SLC44A1: variants seen among roughly 807,000 people sequenced by gnomAD.
SLC44A1 encodes the protein solute carrier family 44 member 1.
SLC44A1 carries 26 observed loss-of-function variants against 79.3 expected under a neutral mutation model. That is an observed-to-expected ratio of 0.33 (90% CI 0.24 to 0.46). The LOEUF is 0.46. Ranked by LOEUF, SLC44A1 falls within the 20% of genes least tolerant of loss-of-function variation. The pLI, the probability that SLC44A1 is intolerant of heterozygous loss-of-function variation, is 1.00. For missense variants in SLC44A1, 688 were observed against 798.1 expected (o/e 0.86, Z 1.66); for synonymous variants, 263 against 286.2 (o/e 0.92, Z 0.82).
At chr9:105,402,741 T>C (rs1475365245) in intron 15 of SLC44A1, among the ~76,000 whole-genome samples, 1 of 152,192 alleles carries the variant, frequency 6.6e-6, no homozygotes, top group Non-Finnish European at 1.5e-5. Context: ...ACCATTGGTG[T>C]GCTTCTATGC....
chr9:105,308,788 G>A (rs917968116), intron 2 of SLC44A1, among the ~76,000 whole-genome samples: 3 of 152,108 alleles, frequency 2.0e-5, no homozygotes, highest in Admixed American at 6.6e-5. Flanking sequence ...ACCTTTTAAC[G>A]ATCAGATTGC....
rs761371766 is a variant in SLC44A1, at chr9:105,374,599, A to G, written c.1496A>G (p.Asn499Ser). Residue 499 changes from asparagine to serine, a missense_variant and splice_region_variant, in exon 13 of 16, where the codon AAT (asparagine) becomes AGT (serine). Asn to Ser is a conservative substitution (Grantham distance 46). Coordinates refer to ENST00000374720, the MANE Select transcript of SLC44A1 (RefSeq NM_080546.5). ...LEKCLNYLNQ[N>S]AYTATAINST... is the part of the protein sequence containing the mutation. ...AATGTTGTTTTTGCTTTTGTCCAGA[A>G]TGCATACACAGCCACAGCTATCAAC... 4 of 1,609,922 alleles carry G rather than the reference A, an allele frequency of 2.5e-6. No homozygotes were observed. Among genetic ancestry groups the G allele is most frequent in the Admixed American group, 3.4e-5 (2 of 58,962 alleles).
At chr9:105,258,390 GT>G (rs1829760228) in intron 1 of SLC44A1, among the ~76,000 whole-genome samples, 1 of 152,200 alleles carries the variant, frequency 6.6e-6, no homozygotes, top group Admixed American at 6.5e-5. Context: ...TTACTGTGTG[GT>G]AGCCTCTGGG....
At chr9:105,385,910 C>A (rs1007320523) in intron 15 of SLC44A1, 1 of 984,994 alleles carries the variant, frequency 1.0e-6, no homozygotes, top group Non-Finnish European at 1.2e-6. Flanking sequence ...CAATTCCTTT[C>A]AACTTGCTAA....
intron 1 of SLC44A1, among the ~76,000 whole-genome samples, chr9:105,273,816 G>T (rs1037115): frequency 0.081 from 12,248 of 151,766 alleles, 1,615 homozygotes; most frequent in African/African-American, 0.28. Flanking sequence ...ATGTGTCTGA[G>T]TTTTTTTTCT....
At chr9:105,417,631 C>T (rs970175929) in intron 15 of SLC44A1, among the ~76,000 whole-genome samples, 1 of 152,082 alleles carries the variant, frequency 6.6e-6, no homozygotes, top group Non-Finnish European at 1.5e-5. Flanking sequence ...CAGTGCCCAA[C>T]ACACAGCAGA....
rs139182720 is a variant in SLC44A1 at position 105,383,015 on chromosome 9, A to T, written c.1633-108A>T. On this transcript the variant is annotated intron_variant, in intron 13 of 15. Coordinates refer to ENST00000374720, the MANE Select transcript of SLC44A1 (RefSeq NM_080546.5). ...TCCTCATTTGAGATGGAATGGCCTC[A>T]TGCAACCATCATTTATAAATAGTAG... 1.0e-3 allele frequency: 745 copies of T among 746,250 alleles called. 5 individuals carry two copies. In the African/African-American group the frequency reaches 0.012, roughly 12 times the overall value. The allele number at this position is 746,250 out of a possible 1,614,324, so 46.2% of individuals were successfully genotyped here. A position where few individuals can be genotyped will look rare whatever the true frequency, so the allele number is the denominator to read the frequency against.
rs145139250 is a variant in SLC44A1, at chr9:105,359,495, A to G, written c.760+1062A>G. On this transcript the variant is annotated intron_variant, in intron 7 of 15. Transcript: ENST00000374720. ...GAATTAGACAAAACTTTAAAACTCT[A>G]GATATGAATAGTGTTATAATGATTA... Among the ~76,000 whole-genome samples, 179 of 152,334 alleles carry G rather than the reference A, an allele frequency of 1.2e-3. 1 individual carries two copies. Among genetic ancestry groups the G allele is most frequent in the Middle Eastern group, 0.01 (3 of 294 alleles).
At chr9:105,365,414 A>G in intron 10 of SLC44A1, 69 bp from the exon 11 acceptor site, 5 of 1,305,772 alleles carry the variant, frequency 3.8e-6, no homozygotes, top group Non-Finnish European at 5.4e-6. Context: ...TTGGACTCTA[A>G]ACCATACCTG....
chr9:105,380,362 T>C (rs1312314008), intron 13 of SLC44A1, among the ~76,000 whole-genome samples: 1 of 152,140 alleles, frequency 6.6e-6, no homozygotes, highest in Non-Finnish European at 1.5e-5. Flanking sequence ...TTTTTTCTTT[T>C]TTTTGAGATG....
intron 1 of SLC44A1, among the ~76,000 whole-genome samples, chr9:105,246,346 T>C (rs1829447071): frequency 6.6e-6 from 1 of 151,616 alleles, no homozygotes; most frequent in Non-Finnish European, 1.5e-5. Flanking sequence ...TTATTAGGTA[T>C]CCATCCTATC....
intron 1 of SLC44A1, among the ~76,000 whole-genome samples, chr9:105,245,147 G>C (rs897896263): frequency 2.6e-5 from 4 of 151,664 alleles, no homozygotes; most frequent in Admixed American, 6.6e-5. Context: ...AGCTCTTCCC[G>C]GCCCCTTCCC....
chr9:105,248,836 A>G (rs997469621), intron 1 of SLC44A1, among the ~76,000 whole-genome samples: 7 of 152,202 alleles, frequency 4.6e-5, no homozygotes, highest in Non-Finnish European at 8.8e-5. Flanking sequence ...CAGATTTATT[A>G]AATGCTCTTT....
At chr9:105,312,105 G>A (rs1217328606) in intron 3 of SLC44A1, among the ~76,000 whole-genome samples, 1 of 152,098 alleles carries the variant, frequency 6.6e-6, no homozygotes, top group African/African-American at 2.4e-5. Context: ...TACAGTAGCT[G>A]GTCTTACTAA....
intron 15 of SLC44A1, among the ~76,000 whole-genome samples, chr9:105,406,332 A>G (rs1829029218): frequency 6.6e-6 from 1 of 152,240 alleles, no homozygotes; most frequent in Non-Finnish European, 1.5e-5. Flanking sequence ...GGGAGGAGGA[A>G]GAATCTGATT....
At chr9:105,404,446 G>A (rs1264076983) in intron 15 of SLC44A1, among the ~76,000 whole-genome samples, 2 of 152,150 alleles carry the variant, frequency 1.3e-5, no homozygotes, top group Non-Finnish European at 2.9e-5. Flanking sequence ...ACTTTAAGAT[G>A]AAGCCGTATT....
At position 105,296,269 on chromosome 9, in the gene SLC44A1, ACT is replaced by A. The variant is rs532261781; in HGVS notation, c.37-2948_37-2947del. 3.0e-4 allele frequency among the ~76,000 whole-genome samples: 45 copies of A among 151,998 alleles called. 1 individual carries two copies. In the South Asian group the frequency reaches 9.4e-3, roughly 32 times the overall value. On this transcript the variant is annotated intron_variant, in intron 1 of 15. Transcript: ENST00000374720. Reference sequence around the variant, plus strand: ...CTTTTGTTCTTCCATACTACTTAAGACTCTGTCAGTATTTTTTATATGTAACT... The same window carrying A: ...CTTTTGTTCTTCCATACTACTTAAGACTGTCAGTATTTTTTATATGTAACT...
intron 1 of SLC44A1, among the ~76,000 whole-genome samples, chr9:105,260,583 G>T (rs370604851): frequency 1.8e-4 from 27 of 152,292 alleles, no homozygotes; most frequent in African/African-American, 6.0e-4. Context: ...TAAATTTCAA[G>T]TCACTCAAGT....
chr9:105,427,718 G>C (rs1829341048), intron 15 of SLC44A1, among the ~76,000 whole-genome samples: 1 of 152,170 alleles, frequency 6.6e-6, no homozygotes, highest in African/African-American at 2.4e-5. Context: ...TACATCAAGT[G>C]GTGAAGGCAC....
Sources: gnomAD v4.1 joint callset for allele counts (sites outside exome capture counted in the v4.1 genomes callset) on GRCh38, gnomAD v4.1.1 for gene constraint, MANE v1.5 for transcripts, NCBI Gene and HGNC (gene_info 2026-07-23, HGNC 2026-07-21) for gene names.